The following MAP2 variants were observed in gnomAD, a reference collection of about 807,000 sequenced individuals.
The protein encoded by MAP2 is microtubule associated protein 2.
A neutral mutation model predicts 137.6 loss-of-function variants in MAP2; 14 were observed. The observed-to-expected ratio is 0.10, with a 90% CI of 0.07 to 0.16. The LOEUF is 0.16. Among genes scored for constraint, MAP2 ranks in the 10% least tolerant of loss-of-function variants. The pLI, the probability that MAP2 is intolerant of heterozygous loss-of-function variation, is 1.00. For missense variants in MAP2, 2,088 were observed against 2,191.5 expected (o/e 0.95, Z 0.94); for synonymous variants, 786 against 782.3 (o/e 1.00, Z -0.08).
intron 1 of MAP2, among the ~76,000 whole-genome samples, chr2:209,447,685 A>G (rs1011551716): frequency 6.6e-6 from 1 of 152,072 alleles, no homozygotes; most frequent in Non-Finnish European, 1.5e-5. Flanking sequence ...ATCCCTTAGC[A>G]GATCATTATT....
chr2:209,608,470 A>G (rs1388048704), intron 3 of MAP2, among the ~76,000 whole-genome samples: 1 of 152,034 alleles, frequency 6.6e-6, no homozygotes, highest in African/African-American at 2.4e-5. Context: ...ATTTTTTTGT[A>G]GAGATGGGAT....
chr2:209,637,050 A>T (rs1216596865), intron 4 of MAP2, among the ~76,000 whole-genome samples: 1 of 152,278 alleles, frequency 6.6e-6, no homozygotes, highest in East Asian at 1.9e-4. Flanking sequence ...CAGAATGCCA[A>T]ATGAAAGCTC....
intron 4 of MAP2, among the ~76,000 whole-genome samples, chr2:209,630,375 T>C (rs553938608): frequency 6.6e-6 from 1 of 152,172 alleles, no homozygotes; most frequent in Non-Finnish European, 1.5e-5. Flanking sequence ...ATTTCCCTAC[T>C]GCCCATTACA....
chr2:209,687,483 AC>A (rs2057395922), intron 7 of MAP2, among the ~76,000 whole-genome samples: 1 of 152,002 alleles, frequency 6.6e-6, no homozygotes, highest in African/African-American at 2.4e-5. Flanking sequence ...CTTTTGGTTC[AC>A]TTAGATCAAT....
intron 4 of MAP2, among the ~76,000 whole-genome samples, chr2:209,646,312 T>C (rs2094420718): frequency 6.6e-6 from 1 of 152,194 alleles, no homozygotes; most frequent in Admixed American, 6.5e-5. Flanking sequence ...GGCAATCACA[T>C]CACAAAAGAC....
chr2:209,684,054 C>T (rs2055980008), intron 7 of MAP2, among the ~76,000 whole-genome samples: 2 of 152,118 alleles, frequency 1.3e-5, no homozygotes, highest in Admixed American at 1.3e-4. Flanking sequence ...AGGAAACAAG[C>T]TGCACACTTA....
intron 12 of MAP2, among the ~76,000 whole-genome samples, chr2:209,709,247 A>C (rs2064560826): frequency 6.6e-6 from 1 of 151,792 alleles, no homozygotes. Context: ...AGACATCCCA[A>C]GTTTCTAAGG....
At chr2:209,549,218 C>G (rs2068673408) in intron 2 of MAP2, among the ~76,000 whole-genome samples, 1 of 152,150 alleles carries the variant, frequency 6.6e-6, no homozygotes, top group African/African-American at 2.4e-5. Context: ...CTAGAGCTGG[C>G]TATCACTAAA....
chr2:209,452,184 T>A (rs1234515032), intron 1 of MAP2, among the ~76,000 whole-genome samples: 1 of 152,156 alleles, frequency 6.6e-6, no homozygotes, highest in East Asian at 1.9e-4. Context: ...GAAGTGACAG[T>A]CTAGGTATTT....
chr2:209,730,524 G>C lies in MAP2; in HGVS notation c.*127G>C. 1.5e-6 allele frequency: 1 copy of C among 676,786 alleles called. No individual in the cohort carries two copies. The highest frequency in any genetic ancestry group is 2.9e-5 in the Admixed American group (1 of 34,902). 41.9% of individuals were successfully genotyped at this position (676,786 alleles called of 1,614,324 possible). A position where few individuals can be genotyped will look rare whatever the true frequency, so the allele number is the denominator to read the frequency against. On this transcript the variant is annotated 3_prime_UTR_variant, in exon 16 of 16. Coordinates refer to ENST00000682079, the MANE Select transcript of MAP2 (RefSeq NM_001375505.1). Reference sequence around the variant, plus strand: ...TAAATAATCTCATCCCCAAACTGTAGTAATTGTTACAATTTTCTATTTAAA... The same window carrying C: ...TAAATAATCTCATCCCCAAACTGTACTAATTGTTACAATTTTCTATTTAAA...
At chr2:209,432,869 A>G (rs1308007376) in intron 1 of MAP2, among the ~76,000 whole-genome samples, 1 of 152,168 alleles carries the variant, frequency 6.6e-6, no homozygotes, top group Non-Finnish European at 1.5e-5. Flanking sequence ...AAGATATTTC[A>G]TACTCTTCTT....
intron 13 of MAP2, among the ~76,000 whole-genome samples, chr2:209,722,191 T>A (rs1201146894): frequency 6.6e-6 from 1 of 152,228 alleles, no homozygotes; most frequent in Non-Finnish European, 1.5e-5. Context: ...GCAACTTTTA[T>A]TATGCCCTAA....
At chr2:209,537,303 A>G (rs2066128185) in intron 2 of MAP2, among the ~76,000 whole-genome samples, 1 of 152,212 alleles carries the variant, frequency 6.6e-6, no homozygotes. Flanking sequence ...CAAAACTACA[A>G]GAATCACTGA....
chr2:209,690,871 A>T (rs1167502028), intron 7 of MAP2: 37 of 1,256,620 alleles, frequency 2.9e-5, no homozygotes, highest in Non-Finnish European at 3.2e-5. Context: ...CAGGATTTGC[A>T]TGTGTTTTGT....
chr2:209,664,626 A>G (rs1483751206), intron 5 of MAP2, among the ~76,000 whole-genome samples: 1 of 152,158 alleles, frequency 6.6e-6, no homozygotes, highest in Non-Finnish European at 1.5e-5. Context: ...AATGGTCTAC[A>G]AAATTTATAC....
At chr2:209,692,604 A>G (rs776559308) in intron 7 of MAP2, 21 bp from the exon 8 acceptor site, 5 of 1,532,480 alleles carry the variant, frequency 3.3e-6, no homozygotes, top group Non-Finnish European at 4.4e-6. Flanking sequence ...ATTTGTTTAA[A>G]AATCAACCCG....
chr2:209,637,015 T>C (rs953505002), intron 4 of MAP2, among the ~76,000 whole-genome samples: 20 of 152,178 alleles, frequency 1.3e-4, no homozygotes, highest in Non-Finnish European at 2.2e-4. Context: ...ATTTTTGAAA[T>C]TATACATTAA....
rs1332564348 is a variant in MAP2 at position 209,678,703 on chromosome 2, C to T, written c.376+18C>T. On this transcript the variant is annotated intron_variant, in intron 6 of 15. Transcript: ENST00000682079. ...GCCTTTAGGTAAATAAGAAGATTCTCAGGTCAGGGACTGTGTCTGTTGCAC... is the reference window on the plus strand; with the variant it reads ...GCCTTTAGGTAAATAAGAAGATTCTTAGGTCAGGGACTGTGTCTGTTGCAC... The T allele has an allele frequency of 6.1e-6, 9 of 1,482,954 alleles. No homozygotes were observed. Among genetic ancestry groups the T allele is most frequent in the South Asian group, 1.2e-5 (1 of 83,954 alleles). The allele number at this position is 1,482,954 out of a possible 1,614,324, so 91.9% of individuals were successfully genotyped here.
At chr2:209,706,184 G>C (rs958663177) in intron 12 of MAP2, among the ~76,000 whole-genome samples, 1 of 152,016 alleles carries the variant, frequency 6.6e-6, no homozygotes, top group African/African-American at 2.4e-5. Context: ...CATTCCAAAT[G>C]AGCTATAAAT....
Sources: gnomAD v4.1 joint callset for allele counts (sites outside exome capture counted in the v4.1 genomes callset) on GRCh38, gnomAD v4.1.1 for gene constraint, MANE v1.5 for transcripts, NCBI Gene and HGNC (gene_info 2026-07-23, HGNC 2026-07-21) for gene names.